Variants in DOCK3 observed in about 807,000 individuals in gnomAD.
DOCK3 encodes the protein dedicator of cytokinesis 3.
DOCK3 carries 60 observed loss-of-function variants against 265.6 expected under a neutral mutation model. The ratio of observed to expected loss-of-function variants is 0.23; its 90% CI spans 0.18 to 0.28. DOCK3 has a LOEUF of 0.28. Ranked by LOEUF, DOCK3 falls within the 10% of genes least tolerant of loss-of-function variation. The pLI is 1.00. For missense variants in DOCK3, 1,981 were observed against 2,594.3 expected (o/e 0.76, Z 5.14); for synonymous variants, 881 against 938.0 (o/e 0.94, Z 1.11).
At chr3:50,727,998 G>T (rs1407980418) in intron 1 of DOCK3, among the ~76,000 whole-genome samples, 1 of 152,206 alleles carries the variant, frequency 6.6e-6, no homozygotes, top group African/African-American at 2.4e-5. Context: ...ATACCCAACA[G>T]AGTACACAGT....
At chr3:51,319,257 G>A (rs1180863690) in intron 32 of DOCK3, among the ~76,000 whole-genome samples, 1 of 152,070 alleles carries the variant, frequency 6.6e-6, no homozygotes, top group Non-Finnish European at 1.5e-5. Context: ...TAGTATTTAA[G>A]ATAAAACAGT....
intron 21 of DOCK3, among the ~76,000 whole-genome samples, chr3:51,244,706 C>T (rs1025710158): frequency 1.3e-5 from 2 of 152,042 alleles, no homozygotes. Flanking sequence ...CTAGGATTTC[C>T]AGTGCTATGT....
chr3:50,679,239 A>T (rs1424483466), intron 1 of DOCK3, among the ~76,000 whole-genome samples: 2 of 152,134 alleles, frequency 1.3e-5, no homozygotes, highest in East Asian at 3.9e-4. Context: ...CTCCCAAGTC[A>T]CTGGGATTAT....
At chr3:50,926,354 G>GT (rs200274956) in intron 4 of DOCK3, among the ~76,000 whole-genome samples, 2 of 152,096 alleles carry the variant, frequency 1.3e-5, no homozygotes, top group African/African-American at 4.8e-5. Flanking sequence ...CAGGCCAAGG[G>GT]TTTTTTAAAA....
At chr3:51,160,736 G>A (rs766825006) in intron 12 of DOCK3, 34 bp downstream of exon 12, 22 of 1,601,520 alleles carry the variant, frequency 1.4e-5, no homozygotes, top group Non-Finnish European at 3.4e-6. Flanking sequence ...TTAATGATTT[G>A]TAGCATAAGA....
At chr3:50,920,369 G>C (rs1211514004) in intron 4 of DOCK3, among the ~76,000 whole-genome samples, 3 of 152,054 alleles carry the variant, frequency 2.0e-5, no homozygotes, top group Non-Finnish European at 4.4e-5. Context: ...CTGTGAATCC[G>C]TCTGGTCCTG....
chr3:50,933,094 A>G (rs1008859081), intron 4 of DOCK3, among the ~76,000 whole-genome samples: 1 of 152,208 alleles, frequency 6.6e-6, no homozygotes, highest in African/African-American at 2.4e-5. Flanking sequence ...ATTCACTATT[A>G]TGAGAACAGC....
At chr3:51,204,488 AT>A (rs1421200324) in intron 12 of DOCK3, among the ~76,000 whole-genome samples, 1 of 147,158 alleles carries the variant, frequency 6.8e-6, no homozygotes, top group Non-Finnish European at 1.5e-5. Context: ...ACCAGTTAGA[AT>A]GGCAATCATT....
chr3:50,909,943 G>A (rs2049776607), intron 4 of DOCK3, among the ~76,000 whole-genome samples: 1 of 151,330 alleles, frequency 6.6e-6, no homozygotes, highest in East Asian at 1.9e-4. Context: ...CTCTATTCTT[G>A]TCTGCCTGTA....
chr3:51,376,506 C>T (rs1469903830), intron 51 of DOCK3, among the ~76,000 whole-genome samples: 1 of 152,192 alleles, frequency 6.6e-6, no homozygotes, highest in Non-Finnish European at 1.5e-5. Flanking sequence ...GAAGCAGACT[C>T]AGACCTCAGA....
At chr3:51,072,409 A>G (rs563300785) in intron 6 of DOCK3, among the ~76,000 whole-genome samples, 10 of 152,150 alleles carry the variant, frequency 6.6e-5, no homozygotes, top group Non-Finnish European at 1.2e-4. Context: ...GTTGTTTCTA[A>G]TACAATTTTT....
At chr3:51,182,438 C>A (rs185736275) in intron 12 of DOCK3, among the ~76,000 whole-genome samples, 35 of 152,302 alleles carry the variant, frequency 2.3e-4, no homozygotes, top group South Asian at 1.2e-3. Context: ...TGGGGGTTTC[C>A]ATCCTGGAGG....
intron 5 of DOCK3, among the ~76,000 whole-genome samples, chr3:51,033,999 T>G (rs1186590054): frequency 6.6e-6 from 1 of 152,192 alleles, no homozygotes; most frequent in African/African-American, 2.4e-5. Context: ...GTTGCTCTGA[T>G]TGCAGCTCTT....
At chr3:51,315,560 C>G (rs1282713076) in intron 32 of DOCK3, among the ~76,000 whole-genome samples, 1 of 152,044 alleles carries the variant, frequency 6.6e-6, no homozygotes, top group Non-Finnish European at 1.5e-5. Flanking sequence ...GGGGTTGGTC[C>G]AGGAGATACA....
At chr3:51,015,390 T>C (rs1048558270) in intron 5 of DOCK3, among the ~76,000 whole-genome samples, 5 of 152,002 alleles carry the variant, frequency 3.3e-5, no homozygotes, top group African/African-American at 9.7e-5. Context: ...GTTGATCATA[T>C]GGTTTTTCTC....
At position 51,383,758 on chromosome 3, in the gene DOCK3, A is replaced by G. The variant is rs899795326; in HGVS notation, c.*2199A>G. 5 of 152,660 alleles carry G rather than the reference A, an allele frequency of 3.3e-5. No individual in the cohort carries two copies. The highest frequency in any genetic ancestry group is 2.6e-4 in the Admixed American group (4 of 15,284). 9.5% of individuals were successfully genotyped at this position (152,660 alleles called of 1,614,324 possible). ...GATGAGAACCCTTTGAAAAGATTGTAAAATACTGATTTTCATTCTTTCAAG... is the reference window on the plus strand; with the variant it reads ...GATGAGAACCCTTTGAAAAGATTGTGAAATACTGATTTTCATTCTTTCAAG... On this transcript the variant is annotated 3_prime_UTR_variant, in exon 53 of 53. Transcript: ENST00000266037.
At chr3:50,678,162 C>T (rs1215813200) in intron 1 of DOCK3, among the ~76,000 whole-genome samples, 1 of 151,528 alleles carries the variant, frequency 6.6e-6, no homozygotes, top group Non-Finnish European at 1.5e-5. Context: ...GACTGTCTTG[C>T]TTTCTTTTTG....
intron 12 of DOCK3, among the ~76,000 whole-genome samples, chr3:51,164,940 C>CCTT (rs2086315903): frequency 9.4e-6 from 1 of 106,896 alleles, no homozygotes; most frequent in East Asian, 3.1e-4. Flanking sequence ...GTTTAGGAGC[C>CCTT]TTTTTTTTTT....
intron 4 of DOCK3, among the ~76,000 whole-genome samples, chr3:50,897,284 T>C (rs1043361008): frequency 6.6e-6 from 1 of 152,174 alleles, no homozygotes; most frequent in African/African-American, 2.4e-5. Flanking sequence ...TGGCTATTTG[T>C]CTATTATTGG....
Sources: gnomAD v4.1 joint callset for allele counts (sites outside exome capture counted in the v4.1 genomes callset) on GRCh38, gnomAD v4.1.1 for gene constraint, MANE v1.5 for transcripts, NCBI Gene and HGNC (gene_info 2026-07-23, HGNC 2026-07-21) for gene names.